The following KCNK5 variants were observed in gnomAD, a reference collection of about 807,000 sequenced individuals.
The protein encoded by KCNK5 is potassium channel subfamily K member 5.
A neutral mutation model predicts 32.9 loss-of-function variants in KCNK5; 18 were observed. The ratio of observed to expected loss-of-function variants is 0.55; its 90% confidence interval spans 0.38 to 0.81. The LOEUF (loss-of-function observed/expected upper bound fraction) is 0.81, where lower values mean the gene tolerates loss of function less well. Among genes scored for constraint, KCNK5 ranks in the 30% least tolerant of loss-of-function variants. KCNK5 has a pLI of 0.00. For synonymous variants in KCNK5, 276 were observed against 275.3 expected (o/e 1.00, Z -0.03); for missense variants, 507 against 651.0 (o/e 0.78, Z 2.41).
At position 39,225,743 on chromosome 6, in the gene KCNK5, A is replaced by G. The variant is rs139171056; in HGVS notation, c.186+3183T>C. Among the ~76,000 whole-genome samples, 1,037 of 152,292 alleles carry G rather than the reference A, an allele frequency of 6.8e-3. 13 individuals are homozygous for G. Among genetic ancestry groups the G allele is most frequent in the African/African-American group, 0.023 (948 of 41,564 alleles). On this transcript the variant is annotated intron_variant, in intron 1 of 4. Coordinates refer to ENST00000359534, the MANE Select transcript of KCNK5 (RefSeq NM_003740.4). ...ACCAATTTCCTAAGCTCAGTTACAG[A>G]GCAACAATCTTCACAGGCCCAAGAG... is the stretch of plus-strand genomic sequence containing the variant.
In KCNK5 at chr6:39,229,198, T is replaced by C; in HGVS notation, c.-87A>G. ...CCGCCCTCCAGCCTCTGAAAACAGC[T>C]GTTTGAATTTGGAGCTCCGCATGCG... On this transcript the variant is annotated 5_prime_UTR_variant, in exon 1 of 5. Transcript: ENST00000359534. 1 of 1,376,712 alleles carries C rather than the reference T, an allele frequency of 7.3e-7. No homozygotes were observed. Among genetic ancestry groups the C allele is most frequent in the Non-Finnish European group, 1.0e-6 (1 of 1,001,044 alleles). The allele number at this position is 1,376,712 out of a possible 1,614,324, so 85.3% of individuals were successfully genotyped here.
intron 1 of KCNK5, among the ~76,000 whole-genome samples, chr6:39,202,646 A>G (rs1771150887): frequency 1.3e-5 from 2 of 152,230 alleles, no homozygotes; most frequent in African/African-American, 4.8e-5. Flanking sequence ...AGGCAAAGGA[A>G]CAGAAGAGTC....
intron 1 of KCNK5, among the ~76,000 whole-genome samples, chr6:39,225,787 G>A (rs569730005): frequency 1.8e-3 from 271 of 152,300 alleles, no homozygotes; most frequent in Admixed American, 3.8e-3. Context: ...AAGCTCCTGG[G>A]GCAGACTGCC....
chr6:39,212,878 T>G (rs1470134360), intron 1 of KCNK5, among the ~76,000 whole-genome samples: 1 of 152,220 alleles, frequency 6.6e-6, no homozygotes, highest in Non-Finnish European at 1.5e-5. Context: ...GCTAGCAGTC[T>G]GCTAGCTAAA....
intron 1 of KCNK5, among the ~76,000 whole-genome samples, chr6:39,216,046 G>A (rs576924946): frequency 6.6e-6 from 1 of 152,362 alleles, no homozygotes; most frequent in Admixed American, 6.5e-5. Flanking sequence ...ACCTTGGGAG[G>A]CCAAGGCGGG....
At chr6:39,210,789 G>A (rs1225675832) in intron 1 of KCNK5, among the ~76,000 whole-genome samples, 6 of 152,142 alleles carry the variant, frequency 3.9e-5, no homozygotes, top group Non-Finnish European at 7.4e-5. Context: ...AACCAACAGC[G>A]AGGCCAGGAC....
intron 2 of KCNK5, among the ~76,000 whole-genome samples, chr6:39,195,103 GAT>G (rs1371734154): frequency 6.6e-6 from 1 of 152,168 alleles, no homozygotes; most frequent in Non-Finnish European, 1.5e-5. Context: ...GGTCTCCAAA[GAT>G]AGCCATCCTC....
intron 1 of KCNK5, among the ~76,000 whole-genome samples, chr6:39,210,805 C>T (rs73731721): frequency 0.03 from 4,545 of 152,264 alleles, 130 homozygotes; most frequent in African/African-American, 0.076. Flanking sequence ...AGGACAGTCC[C>T]AGGGGCTCAC....
At chr6:39,192,283 C>CAA (rs1226626372) in intron 4 of KCNK5, among the ~76,000 whole-genome samples, 13,422 of 46,660 alleles carry the variant, frequency 0.29, 4,952 homozygotes, top group East Asian at 0.54. Context: ...GACTCCGTCT[C>CAA]AAAAAAAAAA....
At chr6:39,224,167 T>C (rs1771608753) in intron 1 of KCNK5, among the ~76,000 whole-genome samples, 1 of 150,832 alleles carries the variant, frequency 6.6e-6, no homozygotes, top group Non-Finnish European at 1.5e-5. Context: ...CCTCTTCAAT[T>C]TCCTCTCAAA....
chr6:39,191,333 G>A lies in KCNK5; in HGVS notation c.1057C>T (p.Pro353Ser), dbSNP rs1409400570. 2.5e-6 allele frequency: 4 copies of A among 1,613,800 alleles called. No homozygotes were observed. The African/African-American group carries it at 4.0e-5, about 16-fold the overall frequency. The change falls in exon 5 of 5, where the codon CCC becomes TCC. Residue 353 changes from proline (P) to serine (S), a missense_variant. Pro to Ser is a moderately conservative substitution (Grantham distance 74). This residue lies in a region of KCNK5 where 252 missense variants were observed against 250.8 expected (regional missense o/e 1.00). Coordinates refer to ENST00000359534, the MANE Select transcript of KCNK5 (RefSeq NM_003740.4). The surrounding 1 kb of genome is among the most constrained non-coding windows in gnomAD (Gnocchi z 5.8). ...PLVVYSKNRV[P>S]TLEEVSQTLR... is the part of the protein sequence containing the mutation. ...GTCTGTGACACCTCTTCCAAGGTGG[G>A]CACCCGGTTCTTGGAGTAGACTACC...
At chr6:39,206,521 G>A (rs1476413424) in intron 1 of KCNK5, among the ~76,000 whole-genome samples, 1 of 152,144 alleles carries the variant, frequency 6.6e-6, no homozygotes, top group Non-Finnish European at 1.5e-5. Context: ...TTCCCATCCC[G>A]GGCCAATGAC....
At chr6:39,208,695 T>C (rs1771274207) in intron 1 of KCNK5, among the ~76,000 whole-genome samples, 1 of 152,230 alleles carries the variant, frequency 6.6e-6, no homozygotes, top group African/African-American at 2.4e-5. Flanking sequence ...TCTGCCATGA[T>C]GACCCCCAGA....
intron 1 of KCNK5, among the ~76,000 whole-genome samples, chr6:39,226,936 C>CT (rs1334642727): frequency 6.6e-6 from 1 of 152,106 alleles, no homozygotes; most frequent in Non-Finnish European, 1.5e-5. Context: ...TGCCCAAGTC[C>CT]TTTTTCTAAA....
At chr6:39,199,917 G>A (rs1771106281) in intron 1 of KCNK5, among the ~76,000 whole-genome samples, 1 of 152,234 alleles carries the variant, frequency 6.6e-6, no homozygotes, top group Admixed American at 6.5e-5. Context: ...CAGGCTCAGG[G>A]AGCTGAGGTC....
intron 4 of KCNK5, among the ~76,000 whole-genome samples, chr6:39,192,644 T>C (rs1350087532): frequency 6.6e-6 from 1 of 152,198 alleles, no homozygotes; most frequent in Non-Finnish European, 1.5e-5. Flanking sequence ...TCTGCCTCCC[T>C]GACTTCCTCA....
rs751933589 is a variant in KCNK5, at chr6:39,194,301, C to T, written c.502G>A (p.Val168Met). Residue 168 changes from valine to methionine, a missense_variant, in exon 4 of 5, where the codon GTG (valine) becomes ATG (methionine). By Grantham distance (21) the Val-to-Met change is conservative. This residue lies in a region of KCNK5 where 143 missense variants were observed against 219.1 expected (regional missense o/e 0.65). Coordinates refer to ENST00000359534, the MANE Select transcript of KCNK5 (RefSeq NM_003740.4). This position sits in a 1 kb window ranked among gnomAD's most constrained non-coding sequence, Gnocchi z 4.7. ...AQITCTVIFI[V>M]WGVLVHLVIP... ...ACCAGGTGGACTAGGACGCCCCACA[C>T]GATGAAGATGACTGTGCACGTGATC... The T allele has an allele frequency of 1.5e-4, 244 of 1,613,208 alleles. No individual in the cohort carries two copies. The highest frequency in any genetic ancestry group is 6.0e-4 in the Admixed American group (36 of 59,956).
intron 1 of KCNK5, among the ~76,000 whole-genome samples, chr6:39,200,589 C>T (rs1771119307): frequency 6.6e-6 from 1 of 152,184 alleles, no homozygotes; most frequent in Non-Finnish European, 1.5e-5. Context: ...CTCCTGTCCC[C>T]ATAAAGGCCA....
chr6:39,196,619 A>G (rs1771036202), intron 1 of KCNK5, among the ~76,000 whole-genome samples: 1 of 152,138 alleles, frequency 6.6e-6, no homozygotes, highest in Non-Finnish European at 1.5e-5. Flanking sequence ...AGGGCATGCA[A>G]ATCAGCAGGT....
Sources: allele counts gnomAD v4.1 joint callset (sites outside exome capture counted in the v4.1 genomes callset), GRCh38; gene constraint gnomAD v4.1.1; regional missense constraint gnomAD v4.1.1; non-coding constraint Gnocchi (gnomAD v3.1); transcripts MANE v1.5; gene names NCBI Gene and HGNC (gene_info 2026-07-23, HGNC 2026-07-21).